The following WNT3A variants were observed in gnomAD, a reference collection of about 807,000 sequenced individuals.
WNT3A encodes protein Wnt-3a.
A neutral mutation model predicts 37.0 loss-of-function variants in WNT3A; 17 were observed. The observed-to-expected ratio is 0.46, with a 90% CI of 0.31 to 0.69. The LOEUF (loss-of-function observed/expected upper bound fraction) is 0.69, where lower values mean the gene tolerates loss of function less well. Among genes scored for constraint, WNT3A ranks in the 30% least tolerant of loss-of-function variants. The probability of loss-of-function intolerance (pLI) is 0.05; values close to 1 mark genes in which losing one functional copy is unlikely to be tolerated. For missense variants in WNT3A, 411 were observed against 510.2 expected (o/e 0.81, Z 1.87); for synonymous variants, 187 against 211.0 (o/e 0.89, Z 0.99).
chr1:228,015,667 G>A (rs1475409341), intron 1 of WNT3A, among the ~76,000 whole-genome samples: 2 of 152,116 alleles, frequency 1.3e-5, no homozygotes, highest in Non-Finnish European at 2.9e-5. Context: ...TCCAGGAAGT[G>A]AGTAGGGAGT....
At chr1:228,022,570 C>T (rs1291512324) in intron 1 of WNT3A, 97 bp from the exon 2 acceptor site, 55 of 1,430,360 alleles carry the variant, frequency 3.8e-5, no homozygotes, top group Middle Eastern at 1.9e-4. Context: ...TCTCGCCCCC[C>T]GAATGCACTT....
At chr1:228,028,957 G>GT (rs891481842) in intron 2 of WNT3A, among the ~76,000 whole-genome samples, 107 of 149,718 alleles carry the variant, frequency 7.1e-4, no homozygotes, top group African/African-American at 1.2e-3. Flanking sequence ...GGCAAAACGA[G>GT]TTTTTTTTTT....
chr1:228,021,257 G>A (rs553687325), intron 1 of WNT3A, among the ~76,000 whole-genome samples: 3 of 152,326 alleles, frequency 2.0e-5, no homozygotes, highest in African/African-American at 7.2e-5. Context: ...GAAGGGCTGA[G>A]TTTTACATTT....
In WNT3A at chr1:228,060,239, C is replaced by T. The variant is rs1353366763; in HGVS notation, c.*774C>T. On this transcript the variant is annotated 3_prime_UTR_variant, in exon 4 of 4. Transcript: ENST00000284523. Reference sequence around the variant, plus strand: ...CAGAGCAGGAAATTCAGCCCACCAGCCACCTCATCCCCAACCCCCTGTAAG... The same window carrying T: ...CAGAGCAGGAAATTCAGCCCACCAGTCACCTCATCCCCAACCCCCTGTAAG... 1.5e-6 allele frequency: 2 copies of T among 1,351,688 alleles called. No homozygotes were observed. The highest frequency in any genetic ancestry group is 9.1e-5 in the East Asian group (2 of 21,982). 83.7% of individuals were successfully genotyped at this position (1,351,688 alleles called of 1,614,324 possible).
intron 2 of WNT3A, among the ~76,000 whole-genome samples, chr1:228,048,905 C>T (rs767207382): frequency 1.3e-5 from 2 of 152,232 alleles, no homozygotes; most frequent in African/African-American, 2.4e-5. Context: ...TCCCTCTGAT[C>T]CTAGCCTCCA....
intron 2 of WNT3A, among the ~76,000 whole-genome samples, chr1:228,028,661 T>C (rs996983037): frequency 1.3e-5 from 2 of 152,226 alleles, no homozygotes; most frequent in African/African-American, 2.4e-5. Context: ...TTCCTAATTC[T>C]GTGAAAAATG....
At chr1:228,051,594 C>T (rs931077834) in intron 3 of WNT3A, among the ~76,000 whole-genome samples, 3 of 152,186 alleles carry the variant, frequency 2.0e-5, no homozygotes, top group African/African-American at 7.2e-5. Context: ...CGGTGAGGGC[C>T]TGCTCCTCAT....
At chr1:228,014,897 T>TGGCCACA (rs2102761622) in intron 1 of WNT3A, among the ~76,000 whole-genome samples, 1 of 152,374 alleles carries the variant, frequency 6.6e-6, no homozygotes, top group South Asian at 2.1e-4. Flanking sequence ...GCTGTGACTT[T>TGGCCACA]GGCCACAGGC....
chr1:228,037,053 G>T lies in WNT3A; in HGVS notation c.314-13603G>T, dbSNP rs1365034766. On this transcript the variant is annotated intron_variant, in intron 2 of 3. Coordinates refer to ENST00000284523, the MANE Select transcript of WNT3A (RefSeq NM_033131.4). The surrounding 1 kb of genome is among the most constrained non-coding windows in gnomAD (Gnocchi z 4.1). Reference sequence around the variant, plus strand: ...CTGGCACCTGCCAGATAGGTCGGGGGGAGTGGAGTGGCATGGGGAGGTATG... The same window carrying T: ...CTGGCACCTGCCAGATAGGTCGGGGTGAGTGGAGTGGCATGGGGAGGTATG... Among the ~76,000 whole-genome samples, 1 of 152,124 alleles carries T rather than the reference G, an allele frequency of 6.6e-6. No homozygotes were observed. The highest frequency in any genetic ancestry group is 1.5e-5 in the Non-Finnish European group (1 of 68,014).
At chr1:228,049,674 CTT>C (rs1196246927) in intron 2 of WNT3A, among the ~76,000 whole-genome samples, 1 of 152,184 alleles carries the variant, frequency 6.6e-6, no homozygotes. Flanking sequence ...CTCTTTGACT[CTT>C]TGATTGCAGC....
chr1:228,043,810 T>G (rs935170346), intron 2 of WNT3A, among the ~76,000 whole-genome samples: 21 of 152,156 alleles, frequency 1.4e-4, no homozygotes, highest in Non-Finnish European at 2.8e-4. Flanking sequence ...TACCCCATCG[T>G]TTGTGCTATT....
rs571379701 is a variant in WNT3A, at chr1:228,027,395, A to T, written c.313+4487A>T. Reference sequence around the variant, plus strand: ...TGAACTAATTGACATTCCTACCAGCAGTGTATAAGCATCCTCTTTTCCCCA... The same window carrying T: ...TGAACTAATTGACATTCCTACCAGCTGTGTATAAGCATCCTCTTTTCCCCA... On this transcript the variant is annotated intron_variant, in intron 2 of 3. Transcript: ENST00000284523. Among the ~76,000 whole-genome samples the T allele has an allele frequency of 3.3e-5, 5 of 152,354 alleles. No homozygotes were observed. In the South Asian group the frequency reaches 1.0e-3, roughly 32 times the overall value.
rs141909228 is a variant in WNT3A, at chr1:228,042,279, T to G, written c.314-8377T>G. Among the ~76,000 whole-genome samples, 9 of 152,168 alleles carry G rather than the reference T, an allele frequency of 5.9e-5. No individual in the cohort carries two copies. The highest frequency in any genetic ancestry group is 1.7e-4 in the African/African-American group (7 of 41,462). ...GCTGTGAGCCACCGCGCCCAGCCTC[T>G]GGAGGATTTTTTTTACTGTGGTTAT... On this transcript the variant is annotated intron_variant, in intron 2 of 3. Transcript: ENST00000284523. The surrounding 1 kb of genome is among the most constrained non-coding windows in gnomAD (Gnocchi z 5.2).
intron 1 of WNT3A, among the ~76,000 whole-genome samples, chr1:228,019,691 G>A (rs1273258362): frequency 1.3e-5 from 2 of 152,226 alleles, no homozygotes; most frequent in Non-Finnish European, 2.9e-5. Flanking sequence ...ACTGAAGTCA[G>A]CCTGCTTTAT....
In WNT3A at chr1:228,009,668, C is replaced by T. The variant is rs990611693; in HGVS notation, c.71+2469C>T. Among the ~76,000 whole-genome samples, 5 of 152,290 alleles carry T rather than the reference C, an allele frequency of 3.3e-5. No homozygotes were observed. The East Asian group carries it at 5.8e-4, about 18-fold the overall frequency. On this transcript the variant is annotated intron_variant, in intron 1 of 3. Coordinates refer to ENST00000284523, the MANE Select transcript of WNT3A (RefSeq NM_033131.4). The stretch of plus-strand genomic sequence containing the variant: ...TTGATTCTCCCCCCTCCACCATCAC[C>T]GGCACATGAAAGTGAAAGTGAAGGG...
rs1418962084 is a variant in WNT3A at position 228,007,288 on chromosome 1, G to A, written c.71+89G>A. 11 of 1,376,334 alleles carry A rather than the reference G, an allele frequency of 8.0e-6. No homozygotes were observed. Among genetic ancestry groups the A allele is most frequent in the Middle Eastern group, 3.7e-4 (2 of 5,348 alleles). 85.3% of individuals were successfully genotyped at this position (1,376,334 alleles called of 1,614,324 possible). On this transcript the variant is annotated intron_variant, in intron 1 of 3. Coordinates refer to ENST00000284523, the MANE Select transcript of WNT3A (RefSeq NM_033131.4). This position sits in a 1 kb window ranked among gnomAD's most constrained non-coding sequence, Gnocchi z 6.0. ...TCGGGCAGGGACCCCGCGGTGGCCC[G>A]AGCCCGCGCCCTTCTGCTCCAGCCC...
intron 3 of WNT3A, among the ~76,000 whole-genome samples, chr1:228,058,423 G>C (rs2031724189): frequency 6.6e-6 from 1 of 152,226 alleles, no homozygotes; most frequent in African/African-American, 2.4e-5. Context: ...ACTGCCCATA[G>C]GGGAAACCGT....
At chr1:228,053,736 G>A (rs957516239) in intron 3 of WNT3A, among the ~76,000 whole-genome samples, 3 of 152,184 alleles carry the variant, frequency 2.0e-5, no homozygotes, top group African/African-American at 7.2e-5. Context: ...GGTGCTCAAT[G>A]TTATGAGTCA....
rs954208085 is a variant in WNT3A at position 228,007,072 on chromosome 1, C to G, written c.-57C>G. On this transcript the variant is annotated 5_prime_UTR_variant, in exon 1 of 4. Transcript: ENST00000284523. This position sits in a 1 kb window ranked among gnomAD's most constrained non-coding sequence, Gnocchi z 6.0. ...CGCCAGCTCCCAGGGCCCGGCCCCC[C>G]CCGGCGCTCACGCTCTCGGGGCGGA... The G allele has an allele frequency of 3.5e-5, 49 of 1,399,610 alleles. No homozygotes were observed. The highest frequency in any genetic ancestry group is 3.0e-4 in the South Asian group (22 of 72,688). 86.7% of individuals were successfully genotyped at this position (1,399,610 alleles called of 1,614,324 possible).
Sources: gnomAD v4.1 joint callset for allele counts (sites outside exome capture counted in the v4.1 genomes callset) on GRCh38, gnomAD v4.1.1 for gene constraint, Gnocchi (gnomAD v3.1) non-coding constraint, MANE v1.5 for transcripts, NCBI Gene and HGNC (gene_info 2026-07-23, HGNC 2026-07-21) for gene names.